Variants in ZBTB8A observed in about 807,000 individuals in gnomAD.
The protein encoded by ZBTB8A is zinc finger and BTB domain containing 8A.
A neutral mutation model predicts 37.8 loss-of-function variants in ZBTB8A; 19 were observed. The observed-to-expected ratio is 0.50, with a 90% CI of 0.35 to 0.74. ZBTB8A has a LOEUF of 0.74. ZBTB8A is among the 30% of genes least tolerant of loss of function. The pLI is 0.01. For synonymous variants in ZBTB8A, 181 were observed against 185.2 expected, an observed-to-expected ratio of 0.98 and a Z score of 0.19; for missense variants, 394 against 537.8, an observed-to-expected ratio of 0.73 and a Z score of 2.65.
At chr1:32,592,256 T>G (rs910987034) in intron 2 of ZBTB8A, among the ~76,000 whole-genome samples, 4 of 152,088 alleles carry the variant, frequency 2.6e-5, no homozygotes, top group African/African-American at 4.8e-5. Context: ...CTGATTATTA[T>G]TTTAGTTGAC....
At chr1:32,550,223 A>C (rs924619280) in intron 1 of ZBTB8A, among the ~76,000 whole-genome samples, 1 of 152,084 alleles carries the variant, frequency 6.6e-6, no homozygotes, top group Non-Finnish European at 1.5e-5. Flanking sequence ...CCACAGATCA[A>C]CTCTAATATC....
intron 2 of ZBTB8A, among the ~76,000 whole-genome samples, chr1:32,573,178 C>T (rs1486136992): frequency 2.7e-5 from 4 of 147,968 alleles, no homozygotes; most frequent in African/African-American, 7.5e-5. Flanking sequence ...TCAAGTGATT[C>T]TCCTGCCTCA....
rs1276832881 is a variant in ZBTB8A at position 32,569,411 on chromosome 1, T to TG, written c.-2+15872dup. Among the ~76,000 whole-genome samples, 269 of 136,966 alleles carry TG rather than the reference T, an allele frequency of 2.0e-3. 5 individuals are homozygous for TG. Among genetic ancestry groups the TG allele is most frequent in the South Asian group, 3.1e-3 (13 of 4,192 alleles). 89.9% of individuals were successfully genotyped at this position (136,966 alleles called of 152,430 possible). A position where few individuals can be genotyped will look rare whatever the true frequency, so the allele number is the denominator to read the frequency against. ...CTTTTTTTTTTTTTTTTTTTTTTTT[T>TG]GAGACAGAGTCTTGCTCTGTTGCCC... is the stretch of plus-strand genomic sequence containing the variant. On this transcript the variant is annotated intron_variant, in intron 2 of 4. Transcript: ENST00000373510.
At chr1:32,573,356 G>A (rs1644336831) in intron 2 of ZBTB8A, among the ~76,000 whole-genome samples, 1 of 147,418 alleles carries the variant, frequency 6.8e-6, no homozygotes, top group Non-Finnish European at 1.5e-5. Flanking sequence ...TTACAGGCGT[G>A]AGCCACCGCG....
At chr1:32,559,662 G>A (rs1432628266) in intron 2 of ZBTB8A, among the ~76,000 whole-genome samples, 4 of 150,744 alleles carry the variant, frequency 2.7e-5, no homozygotes, top group Admixed American at 2.6e-4. Flanking sequence ...ATGGGGTTTC[G>A]CCATGTTGCC....
chr1:32,547,082 T>C (rs1644110517), intron 1 of ZBTB8A, among the ~76,000 whole-genome samples: 1 of 151,668 alleles, frequency 6.6e-6, no homozygotes, highest in South Asian at 2.1e-4. Context: ...TTTTTAATTA[T>C]TTGTAGAGAT....
At position 32,603,693 on chromosome 1, in the gene ZBTB8A, A is replaced by C. The variant is rs922627685; in HGVS notation, c.*3274A>C. 1.6e-4 allele frequency: 24 copies of C among 152,660 alleles called. No individual in the cohort carries two copies. Among genetic ancestry groups the C allele is most frequent in the African/African-American group, 4.1e-4 (17 of 41,464 alleles). 9.5% of individuals were successfully genotyped at this position (152,660 alleles called of 1,614,324 possible). ...TCTGCATGCAAACTTTACATACATC[A>C]GCATGAATATCCAACATTCACTGAA... On this transcript the variant is annotated 3_prime_UTR_variant, in exon 5 of 5. Transcript: ENST00000373510.
At chr1:32,563,637 G>A (rs1644259647) in intron 2 of ZBTB8A, among the ~76,000 whole-genome samples, 1 of 151,888 alleles carries the variant, frequency 6.6e-6, no homozygotes, top group South Asian at 2.1e-4. Context: ...TAATTTTTGT[G>A]TGTGTGTGTC....
chr1:32,591,020 A>G (rs1644484047), intron 2 of ZBTB8A, among the ~76,000 whole-genome samples: 2 of 151,316 alleles, frequency 1.3e-5, no homozygotes, highest in African/African-American at 4.9e-5. Flanking sequence ...CAGCCTCCCA[A>G]ATAACTGGGA....
rs139005515 is a variant in ZBTB8A at position 32,579,784 on chromosome 1, T to C, written c.-1-13147T>C. The stretch of plus-strand genomic sequence containing the variant: ...CATTGTCTGAAAACAATTTTTTTCA[T>C]GTATTTTGTTCAGTTTTTCTAATTG... On this transcript the variant is annotated intron_variant, in intron 2 of 4. Transcript: ENST00000373510. Among the ~76,000 whole-genome samples, 287 of 152,290 alleles carry C rather than the reference T, an allele frequency of 1.9e-3. 1 individual carries two copies. The highest frequency in any genetic ancestry group is 6.4e-3 in the African/African-American group (268 of 41,578).
chr1:32,553,928 G>A lies in ZBTB8A; in HGVS notation c.-2+388G>A, dbSNP rs186013045. On this transcript the variant is annotated intron_variant, in intron 2 of 4. Coordinates refer to ENST00000373510, the MANE Select transcript of ZBTB8A (RefSeq NM_001040441.3). ...AAAGGTAGAATTTTGGGCCGGGTAC[G>A]GTGGCTCACGCCTGTAATCCCAGCA... Among the ~76,000 whole-genome samples, 580 of 149,796 alleles carry A rather than the reference G, an allele frequency of 3.9e-3. 3 individuals carry two copies. The highest frequency in any genetic ancestry group is 6.5e-3 in the Non-Finnish European group (438 of 67,652).
intron 1 of ZBTB8A, among the ~76,000 whole-genome samples, chr1:32,540,032 A>C (rs986910410): frequency 1.3e-5 from 2 of 151,110 alleles, no homozygotes; most frequent in African/African-American, 4.9e-5. Flanking sequence ...GCTGCCGGGG[A>C]ACCTGGCTCC....
At position 32,592,929 on chromosome 1, in the gene ZBTB8A, A is replaced by T; in HGVS notation, c.-1-2A>T. ...TAACCACATGTGTCTTTTCCTCTTC[A>T]GAATGGAGATCTCCTCTCATCAGTC... On this transcript the variant is annotated splice_acceptor_variant, in intron 2 of 4. Coordinates refer to ENST00000373510, the MANE Select transcript of ZBTB8A (RefSeq NM_001040441.3). LOFTEE classifies it low-confidence loss of function (5UTR_SPLICE). The T allele has an allele frequency of 6.3e-7, 1 of 1,589,522 alleles. No homozygotes were observed. The highest frequency in any genetic ancestry group is 8.6e-7 in the Non-Finnish European group (1 of 1,169,184).
chr1:32,549,492 CA>C (rs796747835), intron 1 of ZBTB8A, among the ~76,000 whole-genome samples: 17,390 of 110,068 alleles, frequency 0.16, 1,094 homozygotes, highest in African/African-American at 0.25. Context: ...AACTCCGTCT[CA>C]AAAAAAAAAA....
At chr1:32,585,924 A>G (rs1433209447) in intron 2 of ZBTB8A, among the ~76,000 whole-genome samples, 1 of 151,708 alleles carries the variant, frequency 6.6e-6, no homozygotes, top group Non-Finnish European at 1.5e-5. Flanking sequence ...AATTGCTTGA[A>G]CCCAGGAGGT....
At chr1:32,542,959 ATAACT>A (rs1644069121) in intron 1 of ZBTB8A, among the ~76,000 whole-genome samples, 1 of 152,250 alleles carries the variant, frequency 6.6e-6, no homozygotes, top group Non-Finnish European at 1.5e-5. Context: ...AATTCTGAAA[ATAACT>A]TAAACCTTTT....
intron 2 of ZBTB8A, among the ~76,000 whole-genome samples, chr1:32,578,187 C>T (rs1396897307): frequency 1.3e-5 from 2 of 152,056 alleles, no homozygotes; most frequent in Admixed American, 1.3e-4. Flanking sequence ...GCCTCAGCCT[C>T]CCAAGTAGCT....
intron 4 of ZBTB8A, among the ~76,000 whole-genome samples, chr1:32,598,194 A>G (rs1046261092): frequency 1.8e-5 from 2 of 112,624 alleles, no homozygotes; most frequent in Admixed American, 8.9e-5. Flanking sequence ...TTTCCTACAT[A>G]TTTTACCAGA....
chr1:32,569,059 G>A (rs572802115), intron 2 of ZBTB8A, among the ~76,000 whole-genome samples: 15 of 152,202 alleles, frequency 9.9e-5, no homozygotes, highest in Admixed American at 5.2e-4. Context: ...AGTGACTGTA[G>A]CATTTTACAT....
Sources: gnomAD v4.1 joint callset for allele counts (sites outside exome capture counted in the v4.1 genomes callset) on GRCh38, gnomAD v4.1.1 for gene constraint, MANE v1.5 for transcripts, NCBI Gene and HGNC (gene_info 2026-07-23, HGNC 2026-07-21) for gene names.